Variants in LRSAM1 observed in about 807,000 individuals in gnomAD.
The protein encoded by LRSAM1 is E3 ubiquitin-protein ligase LRSAM1.
LRSAM1 carries 96 observed loss-of-function variants against 118.1 expected under a neutral mutation model. The ratio of observed to expected loss-of-function variants is 0.81; its 90% CI spans 0.69 to 0.96. The LOEUF is 0.96. Ranked by LOEUF, LRSAM1 falls within the 40% of genes least tolerant of loss-of-function variation. The pLI is 0.00. For missense variants in LRSAM1, 804 were observed against 915.5 expected (o/e 0.88, Z 1.57); for synonymous variants, 322 against 364.2 (o/e 0.88, Z 1.32).
At chr9:127,490,148 G>A (rs1268375145) in intron 19 of LRSAM1, among the ~76,000 whole-genome samples, 1 of 152,234 alleles carries the variant, frequency 6.6e-6, no homozygotes, top group African/African-American at 2.4e-5. Flanking sequence ...GTGGGGCTGG[G>A]GCTGGGGCTG....
At position 127,495,952 on chromosome 9, in the gene LRSAM1, TC is replaced by T; in HGVS notation, c.1699-11del. 6.2e-7 allele frequency: 1 copy of T among 1,612,386 alleles called. No homozygotes were observed. Among genetic ancestry groups the T allele is most frequent in the Non-Finnish European group, 8.5e-7 (1 of 1,179,892 alleles). On this transcript the variant is annotated splice_polypyrimidine_tract_variant and intron_variant, in intron 22 of 25. Transcript: ENST00000300417. ...TTCCTTCCTGCTCATGGTACACGTT[TC>T]TGTCTTGCAGGAAGAGGGGATGGAG... is the stretch of plus-strand genomic sequence containing the variant.
chr9:127,495,070 G>A (rs1466091743), intron 21 of LRSAM1, among the ~76,000 whole-genome samples: 1 of 152,130 alleles, frequency 6.6e-6, no homozygotes, highest in South Asian at 2.1e-4. Context: ...TCCTGCCTCA[G>A]CCTCTCGAGT....
chr9:127,477,723 G>A lies in LRSAM1; in HGVS notation c.751-1211G>A, dbSNP rs558113006. Reference sequence around the variant, plus strand: ...TGAGATTGTGCCACTGCACTCCAGCGTGGGCAAGAGTGAGACTCCATCACA... The same window carrying A: ...TGAGATTGTGCCACTGCACTCCAGCATGGGCAAGAGTGAGACTCCATCACA... On this transcript the variant is annotated intron_variant, in intron 11 of 25. Coordinates refer to ENST00000300417, the MANE Select transcript of LRSAM1 (RefSeq NM_001005373.4). Among the ~76,000 whole-genome samples the A allele has an allele frequency of 9.4e-5, 14 of 148,470 alleles. No homozygotes were observed. The South Asian group carries it at 2.1e-3, about 23-fold the overall frequency.
intron 7 of LRSAM1, among the ~76,000 whole-genome samples, chr9:127,460,841 T>C (rs1834707909): frequency 7.5e-6 from 1 of 133,930 alleles, no homozygotes; most frequent in South Asian, 2.4e-4. Flanking sequence ...CTCTTCCTGT[T>C]TCTTTCTTTT....
chr9:127,473,879 A>C lies in LRSAM1; in HGVS notation c.698A>C (p.Asp233Ala), dbSNP rs747872731. 5.0e-6 allele frequency: 8 copies of C among 1,614,250 alleles called. No individual in the cohort carries two copies. The highest frequency in any genetic ancestry group is 5.9e-6 in the Non-Finnish European group (7 of 1,180,046). Residue 233 changes from aspartate to alanine, a missense_variant, in exon 11 of 26, where the codon GAC (aspartate) becomes GCC (alanine). Coordinates refer to ENST00000300417, the MANE Select transcript of LRSAM1 (RefSeq NM_001005373.4). ...CAAGATGGAATCGAGAACTCTCGGG[A>C]CAGCCCTGATGGGCCCACGGACAGA... ...LEQDGIENSR[D>A]SPDGPTDRFS... is the part of the protein sequence containing the mutation.
intron 9 of LRSAM1, 49 bp from the exon 10 acceptor site, chr9:127,467,691 C>T (rs762663263): frequency 2.3e-5 from 35 of 1,530,810 alleles, no homozygotes; most frequent in East Asian, 6.9e-5. Context: ...GTGTGGTCTC[C>T]GGTTGCGTTG....
intron 16 of LRSAM1, 85 bp downstream of exon 16, chr9:127,483,105 C>T: frequency 7.9e-7 from 1 of 1,267,740 alleles, no homozygotes; most frequent in Non-Finnish European, 1.1e-6. Flanking sequence ...GTTGGCCATG[C>T]ATGGAGGGCC....
intron 2 of LRSAM1, among the ~76,000 whole-genome samples, chr9:127,452,610 G>A (rs1329809401): frequency 1.3e-5 from 2 of 152,240 alleles, no homozygotes; most frequent in Non-Finnish European, 2.9e-5. Context: ...TCATGTGCCA[G>A]GTACTGTACT....
intron 2 of LRSAM1, among the ~76,000 whole-genome samples, chr9:127,452,457 T>G (rs1399383094): frequency 6.6e-6 from 1 of 152,152 alleles, no homozygotes; most frequent in African/African-American, 2.4e-5. Flanking sequence ...GCTGCCATCT[T>G]TGCCCATCCC....
intron 20 of LRSAM1, among the ~76,000 whole-genome samples, 185 bp downstream of exon 20, chr9:127,491,480 C>A (rs1835931613): frequency 6.6e-6 from 1 of 152,218 alleles, no homozygotes; most frequent in African/African-American, 2.4e-5. Flanking sequence ...AGGCCCAGCG[C>A]AGGCCAAGGT....
At chr9:127,490,538 T>G (rs532101926) in intron 19 of LRSAM1, among the ~76,000 whole-genome samples, 2 of 152,096 alleles carry the variant, frequency 1.3e-5, no homozygotes, top group Non-Finnish European at 2.9e-5. Flanking sequence ...TTTGACCAGG[T>G]CAGCTATTGC....
chr9:127,498,335 C>A (rs1216518431), intron 24 of LRSAM1, among the ~76,000 whole-genome samples: 1 of 152,132 alleles, frequency 6.6e-6, no homozygotes, highest in East Asian at 1.9e-4. Flanking sequence ...CAGAATAGGC[C>A]CCTTCTGGAT....
chr9:127,454,484 C>G lies in LRSAM1; in HGVS notation c.-32-12C>G. 6.2e-7 allele frequency: 1 copy of G among 1,609,248 alleles called. No homozygotes were observed. Among genetic ancestry groups the G allele is most frequent in the Non-Finnish European group, 8.5e-7 (1 of 1,175,988 alleles). ...AAATTCCCCAGTCCCTAACTTCTCTCCTGTGCCCCAGGGTCCTAAAGATCG... is the reference window on the plus strand; with the variant it reads ...AAATTCCCCAGTCCCTAACTTCTCTGCTGTGCCCCAGGGTCCTAAAGATCG... On this transcript the variant is annotated splice_polypyrimidine_tract_variant and intron_variant, in intron 2 of 25. Coordinates refer to ENST00000300417, the MANE Select transcript of LRSAM1 (RefSeq NM_001005373.4).
chr9:127,495,949 G>A lies in LRSAM1; in HGVS notation c.1699-15G>A, dbSNP rs767459848. The A allele has an allele frequency of 8.7e-6, 14 of 1,612,098 alleles. No individual in the cohort carries two copies. The highest frequency in any genetic ancestry group is 1.7e-4 in the Middle Eastern group (1 of 6,060). On this transcript the variant is annotated splice_polypyrimidine_tract_variant and intron_variant, in intron 22 of 25. Coordinates refer to ENST00000300417, the MANE Select transcript of LRSAM1 (RefSeq NM_001005373.4). ...TTCTTCCTTCCTGCTCATGGTACAC[G>A]TTTCTGTCTTGCAGGAAGAGGGGAT...
chr9:127,464,510 T>C (rs1239426157), intron 9 of LRSAM1, among the ~76,000 whole-genome samples: 2 of 152,152 alleles, frequency 1.3e-5, no homozygotes, highest in Admixed American at 6.6e-5. Flanking sequence ...ACTAAAAGTT[T>C]GATTTCATTG....
Position 127,501,050 on chromosome 9 carries a change from C to A in LRSAM1, c.1953C>A (p.Ala651=). Residue 651 remains alanine (A), a synonymous_variant, in exon 25 of 26, where the codon GCC becomes GCA. Coordinates refer to ENST00000300417, the MANE Select transcript of LRSAM1 (RefSeq NM_001005373.4). ...TGGGTGAGGTCGTCACCCCTACGGC[C>A]CCCCAGGAGCCTCCTGAGTCTGTGA... ...PPMGEVVTPT[A]PQEPPESVRP... is the part of the protein sequence containing the mutation. 1 of 1,614,008 alleles carries A rather than the reference C, an allele frequency of 6.2e-7. No individual in the cohort carries two copies. The highest frequency in any genetic ancestry group is 8.5e-7 in the Non-Finnish European group (1 of 1,180,016).
At chr9:127,491,367 T>A in intron 20 of LRSAM1, 72 bp downstream of exon 20, 2 of 1,223,012 alleles carry the variant, frequency 1.6e-6, no homozygotes, top group Non-Finnish European at 2.4e-6. Context: ...TCCCAGCCTC[T>A]GGCAGCTGCT....
chr9:127,502,762 C>T lies in LRSAM1; in HGVS notation c.2047-12C>T. The T allele has an allele frequency of 1.2e-6, 2 of 1,609,978 alleles. No individual in the cohort carries two copies. Among genetic ancestry groups the T allele is most frequent in the East Asian group, 2.2e-5 (1 of 44,710 alleles). ...GTAGGGCCAGCCACATGCTCCCGCT[C>T]TCCCTCCCCAGGCCCAGATGATCTT... On this transcript the variant is annotated splice_polypyrimidine_tract_variant and intron_variant, in intron 25 of 25. Transcript: ENST00000300417.
chr9:127,466,595 C>T (rs1470848949), intron 9 of LRSAM1, among the ~76,000 whole-genome samples: 1 of 142,908 alleles, frequency 7.0e-6, no homozygotes, highest in Non-Finnish European at 1.5e-5. Flanking sequence ...TGAAGTGATC[C>T]TCCCACCTTG....
Sources: allele counts gnomAD v4.1 joint callset (sites outside exome capture counted in the v4.1 genomes callset), GRCh38; gene constraint gnomAD v4.1.1; transcripts MANE v1.5; gene names NCBI Gene and HGNC (gene_info 2026-07-23, HGNC 2026-07-21).